Variants in HNF4G observed in about 807,000 individuals in gnomAD.
The protein encoded by HNF4G is hepatocyte nuclear factor 4 gamma.
HNF4G carries 21 observed loss-of-function variants against 50.9 expected under a neutral mutation model. The ratio of observed to expected loss-of-function variants is 0.41; its 90% confidence interval spans 0.29 to 0.59. The LOEUF (loss-of-function observed/expected upper bound fraction) is 0.59. Ranked by LOEUF, HNF4G falls within the 20% of genes least tolerant of loss-of-function variation. The pLI is 0.26. For synonymous variants in HNF4G, 198 were observed against 185.6 expected (o/e 1.07, Z -0.54); for missense variants, 527 against 559.4 (o/e 0.94, Z 0.58).
At chr8:75,446,892 A>G (rs1270034466) in intron 1 of HNF4G, among the ~76,000 whole-genome samples, 3 of 114,822 alleles carry the variant, frequency 2.6e-5, no homozygotes, top group Non-Finnish European at 5.3e-5. Context: ...ATCCCCATCA[A>G]GCTACCAATG....
Position 75,546,332 on chromosome 8 carries a change from G to A in HNF4G, c.288-1255G>A, listed in dbSNP as rs1425307035. The stretch of plus-strand genomic sequence containing the variant: ...CAAGTTCTGCTGAGAGTCAATGGTG[G>A]AATCAAGCTTAGATTTAATTTCAGA... On this transcript the variant is annotated intron_variant, in intron 2 of 9. Transcript: ENST00000396423. Among the ~76,000 whole-genome samples, 3 of 152,070 alleles carry A rather than the reference G, an allele frequency of 2.0e-5. 1 individual carries two copies. Among genetic ancestry groups the A allele is most frequent in the South Asian group, 4.1e-4 (2 of 4,828 alleles).
chr8:75,420,335 A>T (rs1047186602), intron 1 of HNF4G, among the ~76,000 whole-genome samples: 16 of 152,240 alleles, frequency 1.1e-4, no homozygotes, highest in Non-Finnish European at 1.5e-5. Context: ...CTTAAAACTT[A>T]AATAAGAATA....
At chr8:75,461,097 G>C (rs1811828057) in intron 1 of HNF4G, among the ~76,000 whole-genome samples, 1 of 152,090 alleles carries the variant, frequency 6.6e-6, no homozygotes, top group Admixed American at 6.6e-5. Context: ...ATGTAAGCCT[G>C]TTTTTTTCTT....
chr8:75,432,224 A>G (rs1811031616), intron 1 of HNF4G, among the ~76,000 whole-genome samples: 1 of 152,112 alleles, frequency 6.6e-6, no homozygotes, highest in Non-Finnish European at 1.5e-5. Flanking sequence ...ACCGCACTCC[A>G]ACCTGGATTA....
chr8:75,496,521 A>G (rs907281604), intron 2 of HNF4G, among the ~76,000 whole-genome samples: 2 of 152,010 alleles, frequency 1.3e-5, no homozygotes, highest in Non-Finnish European at 2.9e-5. Context: ...AGTTATTTTA[A>G]ACAGCCACCA....
intron 2 of HNF4G, among the ~76,000 whole-genome samples, chr8:75,517,473 G>A (rs1805923193): frequency 6.6e-6 from 1 of 152,128 alleles, no homozygotes; most frequent in Non-Finnish European, 1.5e-5. Flanking sequence ...GGGGGTACAG[G>A]CATTGGGTAA....
chr8:75,541,540 A>G (rs1207155959), intron 1 of HNF4G, among the ~76,000 whole-genome samples: 2 of 151,832 alleles, frequency 1.3e-5, no homozygotes, highest in African/African-American at 4.8e-5. Flanking sequence ...ATGAAATTAT[A>G]TATGACAATA....
intron 1 of HNF4G, among the ~76,000 whole-genome samples, chr8:75,423,824 T>TC (rs1810831439): frequency 8.3e-6 from 1 of 120,072 alleles, no homozygotes; most frequent in African/African-American, 3.3e-5. Flanking sequence ...TCTTTTTTTT[T>TC]TTTTTTTTTT....
intron 1 of HNF4G, among the ~76,000 whole-genome samples, chr8:75,542,964 C>A (rs1806671466): frequency 6.6e-6 from 1 of 151,966 alleles, no homozygotes; most frequent in African/African-American, 2.4e-5. Context: ...GGTGGGCAGA[C>A]CGCCTGCTGA....
At chr8:75,425,563 T>A (rs1016065876) in intron 1 of HNF4G, among the ~76,000 whole-genome samples, 10 of 147,916 alleles carry the variant, frequency 6.8e-5, no homozygotes, top group Non-Finnish European at 1.3e-4. Context: ...ATATATTATA[T>A]AATATATGTT....
Position 75,526,705 on chromosome 8 carries a change from A to AAT in HNF4G, c.-23-17106_-23-17105insAT, listed in dbSNP as rs1473808721. Reference sequence around the variant, plus strand: ...ATGCCACCACACAAGACTAATTAAAATTTTTTTTTTTTTTTTAGTAGAGAC... The same window carrying AAT: ...ATGCCACCACACAAGACTAATTAAAAATTTTTTTTTTTTTTTTTAGTAGAGAC... On this transcript the variant is annotated intron_variant, in intron 2 of 10. Coordinates refer to the HNF4G transcript ENST00000354370. Among the ~76,000 whole-genome samples, 580 of 140,640 alleles carry AAT rather than the reference A, an allele frequency of 4.1e-3. 2 individuals are homozygous for AAT. Among genetic ancestry groups the AAT allele is most frequent in the African/African-American group, 0.014 (544 of 38,466 alleles). 92.3% of individuals were successfully genotyped at this position (140,640 alleles called of 152,430 possible). A position where few individuals can be genotyped will look rare whatever the true frequency, so the allele number is the denominator to read the frequency against.
chr8:75,425,062 C>CTATCTATTTATT (rs1554566855), intron 1 of HNF4G, among the ~76,000 whole-genome samples: 2 of 142,580 alleles, frequency 1.4e-5, no homozygotes, highest in Non-Finnish European at 3.0e-5. Flanking sequence ...TCAATGCAGC[C>CTATCTATTTATT]TATTTATTTA....
At chr8:75,438,990 T>C (rs1299665175) in intron 1 of HNF4G, among the ~76,000 whole-genome samples, 1 of 152,134 alleles carries the variant, frequency 6.6e-6, no homozygotes, top group Non-Finnish European at 1.5e-5. Flanking sequence ...ATTATTTCTT[T>C]GTAGTTGCAT....
intron 1 of HNF4G, among the ~76,000 whole-genome samples, chr8:75,473,494 A>G (rs1812169210): frequency 6.6e-6 from 1 of 152,222 alleles, no homozygotes; most frequent in Non-Finnish European, 1.5e-5. Context: ...TGAGGCAGGC[A>G]TGTGAATGTT....
At chr8:75,413,566 T>A (rs765002193) in intron 1 of HNF4G, among the ~76,000 whole-genome samples, 18 of 152,034 alleles carry the variant, frequency 1.2e-4, no homozygotes, top group Non-Finnish European at 2.4e-4. Flanking sequence ...TGGCTGGGGA[T>A]ACCTATAAAA....
Position 75,458,286 on chromosome 8 carries a change from A to T in HNF4G, c.-143-31803A>T, listed in dbSNP as rs547320194. On this transcript the variant is annotated intron_variant, in intron 1 of 10. Coordinates refer to the HNF4G transcript ENST00000354370. ...CCGTCTTGGATTAAGAATAAGAGGA[A>T]AATGTGAAACCCACTAAGGAGATGA... 7.2e-5 allele frequency among the ~76,000 whole-genome samples: 11 copies of T among 152,160 alleles called. No individual in the cohort carries two copies. The East Asian group carries it at 1.5e-3, about 21-fold the overall frequency.
chr8:75,472,919 A>T (rs1053057782), intron 1 of HNF4G, among the ~76,000 whole-genome samples: 1 of 152,208 alleles, frequency 6.6e-6, no homozygotes, highest in Non-Finnish European at 1.5e-5. Context: ...TCCTAGAAAA[A>T]GGGCAAGGGT....
At chr8:75,539,731 C>T, upstream of HNF4G, 1 of 387,704 alleles carries the variant, frequency 2.6e-6, no homozygotes, top group Non-Finnish European at 4.7e-6. Flanking sequence ...TTCCATGAAG[C>T]ATTCCAAGAT....
intron 2 of HNF4G, among the ~76,000 whole-genome samples, chr8:75,510,705 C>A (rs2941466): frequency 0.16 from 24,044 of 152,010 alleles, 3,195 homozygotes; most frequent in African/African-American, 0.36. Flanking sequence ...GTAGGTTATA[C>A]CATCTAGGTT....
Sources: gnomAD v4.1 joint callset for allele counts (sites outside exome capture counted in the v4.1 genomes callset) on GRCh38, gnomAD v4.1.1 for gene constraint, MANE v1.5 for transcripts, NCBI Gene and HGNC (gene_info 2026-07-23, HGNC 2026-07-21) for gene names.